The following TTC17 variants were observed in gnomAD, a reference collection of about 807,000 sequenced individuals.
TTC17 encodes tetratricopeptide repeat domain 17, also known as tetratricopeptide repeat protein 17.
Under a neutral mutation model 143.8 loss-of-function variants are expected in TTC17, and 58 were observed. The observed-to-expected ratio is 0.40, with a 90% CI of 0.33 to 0.50. The LOEUF (loss-of-function observed/expected upper bound fraction) is 0.50. TTC17 is among the 20% of genes least tolerant of loss of function. TTC17 has a pLI of 0.49. For missense variants in TTC17, 1,273 were observed against 1,392.5 expected, an observed-to-expected ratio of 0.91 and a Z score of 1.37; for synonymous variants, 501 against 497.8, an observed-to-expected ratio of 1.01 and a Z score of -0.09.
chr11:43,411,675 C>A (rs1479353183), intron 15 of TTC17, among the ~76,000 whole-genome samples: 2 of 152,140 alleles, frequency 1.3e-5, no homozygotes, highest in Non-Finnish European at 2.9e-5. Context: ...TATCTCAATG[C>A]AGGATATTTT....
Position 43,453,458 on chromosome 11 carries a change from A to G in TTC17, c.3030+2193A>G, listed in dbSNP as rs534241127. Among the ~76,000 whole-genome samples the G allele has an allele frequency of 2.2e-4, 33 of 152,274 alleles. No homozygotes were observed. The South Asian group carries it at 6.0e-3, about 28-fold the overall frequency. ...ATTCCAGAAGACAATGGAGTAACAT[A>G]TTTAGAATACTTAAAGAATAAAAAA... On this transcript the variant is annotated intron_variant, in intron 21 of 23. Transcript: ENST00000039989.
chr11:43,494,601 T>G lies in TTC17; in HGVS notation c.*697T>G, dbSNP rs182252000. The G allele has an allele frequency of 6.6e-6, 1 of 152,288 alleles. No homozygotes were observed. Among genetic ancestry groups the G allele is most frequent in the African/African-American group, 2.4e-5 (1 of 41,546 alleles). 9.4% of individuals were successfully genotyped at this position (152,288 alleles called of 1,614,324 possible). ...GTGCAACATCTTTATAATTTGTACTTTAATTACAAATCACAAGGAAACCAA... is the reference window on the plus strand; with the variant it reads ...GTGCAACATCTTTATAATTTGTACTGTAATTACAAATCACAAGGAAACCAA... On this transcript the variant is annotated 3_prime_UTR_variant, in exon 24 of 24. Coordinates refer to ENST00000039989, the MANE Select transcript of TTC17 (RefSeq NM_018259.6).
At chr11:43,478,323 T>C (rs1590493263) in intron 21 of TTC17, among the ~76,000 whole-genome samples, 1 of 152,228 alleles carries the variant, frequency 6.6e-6, no homozygotes, top group South Asian at 2.1e-4. Flanking sequence ...ATGAAACTTC[T>C]GTAAGACACT....
chr11:43,419,542 G>C (rs529655095), intron 16 of TTC17, among the ~76,000 whole-genome samples: 1 of 152,250 alleles, frequency 6.6e-6, no homozygotes, highest in East Asian at 1.9e-4. Flanking sequence ...CCTGCACTTT[G>C]CTGCCCTCCA....
chr11:43,404,171 G>T, intron 11 of TTC17, 27 bp downstream of exon 11: 1 of 1,587,016 alleles, frequency 6.3e-7, no homozygotes, highest in Non-Finnish European at 8.6e-7. Context: ...TGACGAAGCA[G>T]TTTTCTCAAA....
intron 1 of TTC17, among the ~76,000 whole-genome samples, chr11:43,364,117 T>C (rs1856236632): frequency 7.4e-6 from 1 of 134,482 alleles, no homozygotes; most frequent in South Asian, 2.5e-4. Flanking sequence ...AGTGCAGTGG[T>C]GTGATTCTGG....
At chr11:43,404,570 TACAG>T (rs1447172555) in intron 11 of TTC17, among the ~76,000 whole-genome samples, 1 of 152,212 alleles carries the variant, frequency 6.6e-6, no homozygotes, top group Non-Finnish European at 1.5e-5. Context: ...TGGTAGATGA[TACAG>T]ACAATAAACA....
chr11:43,360,883 A>G (rs1856077247), intron 1 of TTC17, among the ~76,000 whole-genome samples: 1 of 152,214 alleles, frequency 6.6e-6, no homozygotes, highest in East Asian at 1.9e-4. Flanking sequence ...TAAAGTTTAA[A>G]AAGCAAGATT....
At chr11:43,360,828 C>G (rs1590293357) in intron 1 of TTC17, among the ~76,000 whole-genome samples, 1 of 151,886 alleles carries the variant, frequency 6.6e-6, no homozygotes, top group Admixed American at 6.6e-5. Flanking sequence ...GCTGAAGAAT[C>G]TTTTGGATCT....
Position 43,359,050 on chromosome 11 carries a change from G to A in TTC17, c.96G>A (p.Ala32=), listed in dbSNP as rs749996617. 108 of 1,590,818 alleles carry A rather than the reference G, an allele frequency of 6.8e-5. No homozygotes were observed. The highest frequency in any genetic ancestry group is 8.5e-5 in the Non-Finnish European group (100 of 1,170,168). ...LLSLSALLSV[A]ARGAFATTHW... ...GCCTTTCCGCCTTGCTGAGTGTGGCGGCACGAGGGGCCTTCGCCACCACGC... is the reference window on the plus strand; with the variant it reads ...GCCTTTCCGCCTTGCTGAGTGTGGCAGCACGAGGGGCCTTCGCCACCACGC... The change falls in exon 1 of 24, where the codon GCG becomes GCA. Residue 32 remains alanine (A), a synonymous_variant. Coordinates refer to ENST00000039989, the MANE Select transcript of TTC17 (RefSeq NM_018259.6).
intron 21 of TTC17, among the ~76,000 whole-genome samples, chr11:43,465,788 C>G (rs1259685778): frequency 6.6e-6 from 1 of 152,098 alleles, no homozygotes; most frequent in Admixed American, 6.6e-5. Context: ...AAAGTTAACT[C>G]AAAATGGTCC....
chr11:43,451,098 A>T, intron 20 of TTC17, 84 bp from the exon 21 acceptor site: 1 of 1,338,122 alleles, frequency 7.5e-7, no homozygotes, highest in African/African-American at 1.4e-5. Flanking sequence ...CCTCTGTGGT[A>T]CAGTGCCCAA....
At chr11:43,450,267 G>GT in intron 20 of TTC17, 26 bp downstream of exon 20, 1 of 1,598,430 alleles carries the variant, frequency 6.3e-7, no homozygotes, top group African/African-American at 1.3e-5. Flanking sequence ...TGTTCAGGCT[G>GT]TTTTTTAGCC....
At chr11:43,394,561 C>CA (rs1001175872) in intron 5 of TTC17, among the ~76,000 whole-genome samples, 3 of 151,644 alleles carry the variant, frequency 2.0e-5, no homozygotes, top group African/African-American at 7.3e-5. Context: ...GGATTGAAGG[C>CA]AAAAGAGGAA....
rs530003362 is a variant in TTC17, at chr11:43,399,789, TA to T, written c.1059-97del. ...TGTTAAATAAAAGGAAAACACACAG[TA>T]ATTGTTGCTGAGAACCAGAAAAATC... is the stretch of plus-strand genomic sequence containing the variant. On this transcript the variant is annotated intron_variant, in intron 8 of 23. Coordinates refer to ENST00000039989, the MANE Select transcript of TTC17 (RefSeq NM_018259.6). 7,391 of 1,205,812 alleles carry T rather than the reference TA, an allele frequency of 6.1e-3. 36 individuals are homozygous for T. Among genetic ancestry groups the T allele is most frequent in the Non-Finnish European group, 7.7e-3 (6,672 of 869,440 alleles). The allele number at this position is 1,205,812 out of a possible 1,614,324, so 74.7% of individuals were successfully genotyped here. A position where few individuals can be genotyped will look rare whatever the true frequency, so the allele number is the denominator to read the frequency against.
At chr11:43,388,355 T>A (rs1415294243) in intron 2 of TTC17, among the ~76,000 whole-genome samples, 3 of 152,080 alleles carry the variant, frequency 2.0e-5, no homozygotes, top group African/African-American at 7.2e-5. Flanking sequence ...AAAGCAATGC[T>A]GTATTTTGAT....
intron 5 of TTC17, among the ~76,000 whole-genome samples, chr11:43,392,339 C>G (rs998001665): frequency 6.6e-6 from 1 of 152,016 alleles, no homozygotes; most frequent in Non-Finnish European, 1.5e-5. Context: ...TCACCACCAG[C>G]AACAAAATCT....
Position 43,405,946 on chromosome 11 carries a change from C to T in TTC17, c.1756C>T (p.Arg586Ter). 1.2e-6 allele frequency: 2 copies of T among 1,612,582 alleles called. No homozygotes were observed. The highest frequency in any genetic ancestry group is 1.7e-6 in the Non-Finnish European group (2 of 1,179,556). The change falls in exon 13 of 24, where the codon CGA becomes TGA. Residue 586 changes from arginine (R) to a stop codon, truncating the protein, a stop_gained. Transcript: ENST00000039989. LOFTEE classifies it high-confidence loss of function. ...AGCCAAAATGCCAGATGACCATGCA[C>T]GAAAAGTAAGGCTCACTTAGGCTGG... ...LKAKMPDDHA[R>*]KILLSRINNY...
intron 16 of TTC17, among the ~76,000 whole-genome samples, chr11:43,430,243 C>T (rs970204705): frequency 6.6e-6 from 1 of 152,106 alleles, no homozygotes; most frequent in Non-Finnish European, 1.5e-5. Context: ...GCTTGGGCAA[C>T]ATGCTGAAAC....
Sources: allele counts gnomAD v4.1 joint callset (sites outside exome capture counted in the v4.1 genomes callset), GRCh38; gene constraint gnomAD v4.1.1; transcripts MANE v1.5; gene names NCBI Gene and HGNC (gene_info 2026-07-23, HGNC 2026-07-21).